UNC93A: variants seen among roughly 807,000 people sequenced by gnomAD.
UNC93A encodes the protein N-acetylglucosamine transporter UNC93A.
In UNC93A, 43 loss-of-function variants were observed where a neutral mutation model predicts 47.5. That is an observed-to-expected ratio of 0.91 (90% CI 0.71 to 1.17). The LOEUF (loss-of-function observed/expected upper bound fraction) is 1.17. UNC93A is among the 50% of genes most tolerant of loss of function. The probability of loss-of-function intolerance (pLI) is 0.00; values close to 1 mark genes in which losing one functional copy is unlikely to be tolerated. For synonymous variants in UNC93A, 280 were observed against 258.0 expected (o/e 1.09, Z -0.82); for missense variants, 605 against 577.6 (o/e 1.05, Z -0.49).
chr6:167,275,298 C>CA (rs1783520881), intron 1 of UNC93A, among the ~76,000 whole-genome samples: 1 of 152,248 alleles, frequency 6.6e-6, no homozygotes, highest in Non-Finnish European at 1.5e-5. Flanking sequence ...GCACCAGTCC[C>CA]AACAGTGAGG....
At chr6:167,302,726 AT>A (rs201436620) in intron 4 of UNC93A, among the ~76,000 whole-genome samples, 2 of 152,134 alleles carry the variant, frequency 1.3e-5, no homozygotes, top group Non-Finnish European at 1.5e-5. Flanking sequence ...TAGTTAAAAT[AT>A]TTTTTTGTAT....
intron 6 of UNC93A, among the ~76,000 whole-genome samples, 184 bp downstream of exon 6, chr6:167,306,234 C>G (rs1418883163): frequency 6.6e-6 from 1 of 152,218 alleles, no homozygotes; most frequent in African/African-American, 2.4e-5. Context: ...GGAATCAGAT[C>G]TCTCCCCAAG....
chr6:167,304,109 A>T lies in UNC93A; in HGVS notation c.816A>T (p.Gly272=), dbSNP rs148583895. ...LLPLYSGLQQ[G]FLSSEYTRSY... is the part of the protein sequence containing the mutation. ...CGCTGTACAGTGGATTGCAGCAAGG[A>T]TTCCTCTCCAGCGAATACACAAGGG... The change falls in exon 5 of 8, where the codon GGA becomes GGT. Residue 272 remains glycine, a synonymous_variant. Coordinates refer to ENST00000230256, the MANE Select transcript of UNC93A (RefSeq NM_018974.4). 5.6e-5 allele frequency: 90 copies of T among 1,614,198 alleles called. No individual in the cohort carries two copies. The East Asian group carries it at 2.0e-3, about 36-fold the overall frequency.
At chr6:167,284,383 G>A (rs1783685260) in intron 1 of UNC93A, among the ~76,000 whole-genome samples, 1 of 152,148 alleles carries the variant, frequency 6.6e-6, no homozygotes, top group Non-Finnish European at 1.5e-5. Flanking sequence ...GATAAATCAA[G>A]ACACTCAGTT....
chr6:167,300,772 G>C (rs1778220856), intron 4 of UNC93A, among the ~76,000 whole-genome samples: 1 of 152,116 alleles, frequency 6.6e-6, no homozygotes, highest in African/African-American at 2.4e-5. Flanking sequence ...TAGGAGGCTG[G>C]GGGACTCGGG....
chr6:167,315,105 A>G, intron 7 of UNC93A, 82 bp from the exon 8 acceptor site: 67 of 1,541,582 alleles, frequency 4.3e-5, no homozygotes, highest in Non-Finnish European at 5.9e-5. Flanking sequence ...AAAATGGGGC[A>G]GTGGGAAAGC....
At chr6:167,298,884 C>T (rs1362398271) in intron 4 of UNC93A, among the ~76,000 whole-genome samples, 7 of 151,626 alleles carry the variant, frequency 4.6e-5, no homozygotes, top group South Asian at 4.2e-4. Flanking sequence ...GAGGCTGAGG[C>T]GGGCAGATCA....
At position 167,305,307 on chromosome 6, in the gene UNC93A, A is replaced by T. The variant is rs1370220493; in HGVS notation, c.841-608A>T. The stretch of plus-strand genomic sequence containing the variant: ...AGCTTAAAAGAGTAGAAACAGGATA[A>T]CAGAAAGGTCTACTTGGCGTTTTGG... On this transcript the variant is annotated intron_variant, in intron 5 of 7. Coordinates refer to ENST00000230256, the MANE Select transcript of UNC93A (RefSeq NM_018974.4). Among the ~76,000 whole-genome samples, 3 of 152,174 alleles carry T rather than the reference A, an allele frequency of 2.0e-5. No individual in the cohort carries two copies. In the East Asian group the frequency reaches 5.8e-4, roughly 29 times the overall value.
intron 7 of UNC93A, among the ~76,000 whole-genome samples, chr6:167,310,618 C>T (rs1260586730): frequency 1.3e-5 from 2 of 152,188 alleles, no homozygotes; most frequent in Non-Finnish European, 2.9e-5. Context: ...CGGTGTCTCA[C>T]CCCTGTAATC....
intron 1 of UNC93A, among the ~76,000 whole-genome samples, chr6:167,280,626 G>T (rs1361286085): frequency 2.6e-5 from 4 of 152,166 alleles, no homozygotes; most frequent in Admixed American, 6.5e-5. Flanking sequence ...AGGTCAGCTG[G>T]AGTGGCTCCC....
At chr6:167,292,192 A>G (rs2115111506) in intron 1 of UNC93A, among the ~76,000 whole-genome samples, 1 of 152,318 alleles carries the variant, frequency 6.6e-6, no homozygotes, top group East Asian at 1.9e-4. Context: ...TCTGATCTTT[A>G]CCTGGATTCC....
At chr6:167,300,171 C>T (rs1039607298) in intron 4 of UNC93A, among the ~76,000 whole-genome samples, 8 of 152,174 alleles carry the variant, frequency 5.3e-5, no homozygotes, top group Admixed American at 2.6e-4. Context: ...AGTCTGACGC[C>T]GTGCAGGGCT....
chr6:167,292,627 G>A (rs1783866042), intron 1 of UNC93A, among the ~76,000 whole-genome samples: 1 of 152,328 alleles, frequency 6.6e-6, no homozygotes, highest in South Asian at 2.1e-4. Context: ...TCAAGTGGAA[G>A]GGAACACAGT....
At chr6:167,280,133 A>T (rs1314904596) in intron 1 of UNC93A, among the ~76,000 whole-genome samples, 1 of 152,170 alleles carries the variant, frequency 6.6e-6, no homozygotes, top group African/African-American at 2.4e-5. Flanking sequence ...ACCCAATCTC[A>T]TGTTTCAAGG....
chr6:167,286,704 G>A (rs1372335919), upstream of UNC93A, among the ~76,000 whole-genome samples: 1 of 152,132 alleles, frequency 6.6e-6, no homozygotes, highest in Admixed American at 6.5e-5. Context: ...TCAGCCGGGT[G>A]CTGTGGCTCA....
rs761676954 is a variant in UNC93A at position 167,307,770 on chromosome 6, C to A, written c.977-9C>A. ...TCATCGCCTGGCGGTTTCCCCTCTG[C>A]ACCCCCAGGCGCGGTGACCCACGTG... is the stretch of plus-strand genomic sequence containing the variant. On this transcript the variant is annotated splice_polypyrimidine_tract_variant and intron_variant, in intron 6 of 7. Transcript: ENST00000230256. 1 of 1,589,414 alleles carries A rather than the reference C, an allele frequency of 6.3e-7. No individual in the cohort carries two copies. Among genetic ancestry groups the A allele is most frequent in the African/African-American group, 1.5e-5 (1 of 67,052 alleles).
chr6:167,269,365 G>A (rs912319156), upstream of UNC93A, among the ~76,000 whole-genome samples: 6 of 152,194 alleles, frequency 3.9e-5, no homozygotes, highest in African/African-American at 1.4e-4. Context: ...AAGAAAACAT[G>A]TACAAGCTAC....
intron 5 of UNC93A, among the ~76,000 whole-genome samples, chr6:167,305,546 C>T (rs1359324867): frequency 6.9e-6 from 1 of 145,970 alleles, no homozygotes; most frequent in African/African-American, 2.8e-5. Context: ...TTCATTTTCT[C>T]TTTCTCTCTC....
chr6:167,314,742 C>G lies in UNC93A; in HGVS notation c.1109-445C>G, dbSNP rs544556887. ...TGCCACCATTTGTCTCTTATCTACC[C>G]GTGACCCGGAAGCCCCCTCCCTGCT... On this transcript the variant is annotated intron_variant, in intron 7 of 7. Transcript: ENST00000230256. Among the ~76,000 whole-genome samples the G allele has an allele frequency of 1.2e-3, 178 of 152,318 alleles. 3 individuals are homozygous for G. In the South Asian group the frequency reaches 0.036, roughly 30 times the overall value.
Sources: gnomAD v4.1 joint callset for allele counts (sites outside exome capture counted in the v4.1 genomes callset) on GRCh38, gnomAD v4.1.1 for gene constraint, MANE v1.5 for transcripts, NCBI Gene and HGNC (gene_info 2026-07-23, HGNC 2026-07-21) for gene names.